SGMS1: variants seen among roughly 807,000 people sequenced by gnomAD.
SGMS1 encodes the protein sphingomyelin synthase 1, also known as phosphatidylcholine:ceramide cholinephosphotransferase 1.
A neutral mutation model predicts 46.2 loss-of-function variants in SGMS1; 13 were observed. That is an observed-to-expected ratio of 0.28 (90% CI 0.18 to 0.45). The LOEUF is 0.45. SGMS1 is among the 20% of genes least tolerant of loss of function. SGMS1 has a pLI of 1.00. For synonymous variants in SGMS1, 203 were observed against 187.8 expected (o/e 1.08, Z -0.66); for missense variants, 324 against 519.9 (o/e 0.62, Z 3.66).
chr10:50,604,716 T>C (rs1420771792), intron 1 of SGMS1, among the ~76,000 whole-genome samples: 1 of 152,134 alleles, frequency 6.6e-6, no homozygotes, highest in Non-Finnish European at 1.5e-5. Context: ...CCTATTTAAA[T>C]CAAGGACTTA....
chr10:50,361,340 A>AT (rs1848244286), intron 6 of SGMS1, among the ~76,000 whole-genome samples: 1 of 151,412 alleles, frequency 6.6e-6, no homozygotes, highest in Non-Finnish European at 1.5e-5. Flanking sequence ...CTCTCCTCAT[A>AT]CCCCCAGGAT....
intron 9 of SGMS1, among the ~76,000 whole-genome samples, chr10:50,310,079 T>C (rs1418389581): frequency 6.6e-6 from 1 of 152,182 alleles, no homozygotes; most frequent in Non-Finnish European, 1.5e-5. Context: ...GGGCACCCGA[T>C]CTACATCAGC....
At chr10:50,338,178 A>ACTAG (rs1847748537) in intron 7 of SGMS1, among the ~76,000 whole-genome samples, 1 of 152,120 alleles carries the variant, frequency 6.6e-6, no homozygotes, top group Non-Finnish European at 1.5e-5. Flanking sequence ...TTTCCATTTT[A>ACTAG]CTAGCCTCTC....
chr10:50,353,039 A>G (rs528158676), intron 6 of SGMS1, among the ~76,000 whole-genome samples: 80 of 152,342 alleles, frequency 5.3e-4, no homozygotes, highest in African/African-American at 1.6e-3. Flanking sequence ...TTCCTTCTGA[A>G]ACTATTCCAA....
chr10:50,309,186 G>A (rs903304089), intron 9 of SGMS1, among the ~76,000 whole-genome samples: 2 of 152,142 alleles, frequency 1.3e-5, no homozygotes, highest in African/African-American at 2.4e-5. Context: ...AGGGCAGTTT[G>A]CAATTTTAAA....
intron 5 of SGMS1, among the ~76,000 whole-genome samples, chr10:50,434,773 T>C (rs1849453370): frequency 6.7e-6 from 1 of 149,256 alleles, no homozygotes; most frequent in Admixed American, 6.7e-5. Context: ...TGGTCCCAGC[T>C]ACTCAGGAGG....
chr10:50,429,354 T>G (rs1279447277), intron 6 of SGMS1, among the ~76,000 whole-genome samples: 1 of 152,176 alleles, frequency 6.6e-6, no homozygotes, highest in Non-Finnish European at 1.5e-5. Flanking sequence ...GCTATACAGG[T>G]TTGCAGCAGC....
chr10:50,454,937 T>A (rs1489407766), intron 5 of SGMS1, among the ~76,000 whole-genome samples: 3 of 152,194 alleles, frequency 2.0e-5, no homozygotes, highest in African/African-American at 7.2e-5. Flanking sequence ...CCAAAAACAC[T>A]CATGCTCTAT....
intron 2 of SGMS1, among the ~76,000 whole-genome samples, chr10:50,584,498 C>CAAAAAAA (rs751224205): frequency 2.9e-5 from 2 of 69,560 alleles, no homozygotes; most frequent in Non-Finnish European, 5.7e-5. Flanking sequence ...GACTCCATCT[C>CAAAAAAA]AAAAAAAAAA....
At chr10:50,428,542 T>TC (rs1419754221) in intron 6 of SGMS1, among the ~76,000 whole-genome samples, 2 of 152,126 alleles carry the variant, frequency 1.3e-5, no homozygotes, top group East Asian at 1.9e-4. Flanking sequence ...TGAGCTTTCT[T>TC]CCCCCCGTAA....
chr10:50,546,728 C>T (rs896489664), intron 2 of SGMS1, among the ~76,000 whole-genome samples: 25 of 151,688 alleles, frequency 1.6e-4, no homozygotes, highest in African/African-American at 5.1e-4. Context: ...GTTGTGGGGT[C>T]GGGGGAGAGG....
intron 6 of SGMS1, among the ~76,000 whole-genome samples, chr10:50,421,356 A>G (rs1482792056): frequency 1.3e-5 from 2 of 152,196 alleles, no homozygotes; most frequent in Non-Finnish European, 1.5e-5. Context: ...TTGCCTTGAC[A>G]TCCACTTTAA....
intron 6 of SGMS1, among the ~76,000 whole-genome samples, chr10:50,365,084 C>T (rs528816233): frequency 2.0e-5 from 3 of 151,700 alleles, no homozygotes; most frequent in South Asian, 2.1e-4. Flanking sequence ...GCCAACATGG[C>T]GAAACCCCAT....
chr10:50,501,915 C>A (rs1837664988), intron 3 of SGMS1, among the ~76,000 whole-genome samples: 1 of 152,182 alleles, frequency 6.6e-6, no homozygotes, highest in Admixed American at 6.5e-5. Context: ...TTCAGCCAAA[C>A]TGCACATCTT....
chr10:50,624,263 G>A (rs1838891815), upstream of SGMS1: 2 of 372,368 alleles, frequency 5.4e-6, no homozygotes, highest in South Asian at 2.2e-4. Flanking sequence ...TTGGGGCAGG[G>A]CCGGAGACGG....
At chr10:50,394,764 A>G (rs1266912378) in intron 6 of SGMS1, among the ~76,000 whole-genome samples, 1 of 152,218 alleles carries the variant, frequency 6.6e-6, no homozygotes, top group Non-Finnish European at 1.5e-5. Context: ...TTAGACCCTA[A>G]TACTCTAAGT....
chr10:50,438,722 A>G (rs1215484115), intron 5 of SGMS1, among the ~76,000 whole-genome samples: 1 of 152,164 alleles, frequency 6.6e-6, no homozygotes, highest in Non-Finnish European at 1.5e-5. Context: ...GAGAGAGGAG[A>G]GGGGAGAAAG....
At chr10:50,470,397 T>C (rs898791274) in intron 3 of SGMS1, among the ~76,000 whole-genome samples, 58 of 152,150 alleles carry the variant, frequency 3.8e-4, no homozygotes, top group African/African-American at 1.2e-3. Context: ...AATATCTAAC[T>C]TTCAATAAAC....
chr10:50,616,265 T>C (rs1838796350), intron 1 of SGMS1, among the ~76,000 whole-genome samples: 1 of 152,002 alleles, frequency 6.6e-6, no homozygotes, highest in South Asian at 2.1e-4. Context: ...GGACTACAGG[T>C]GCACACCACC....
Sources: allele counts gnomAD v4.1 joint callset (sites outside exome capture counted in the v4.1 genomes callset), GRCh38; gene constraint gnomAD v4.1.1; transcripts MANE v1.5; gene names NCBI Gene and HGNC (gene_info 2026-07-23, HGNC 2026-07-21).